ARHGAP26: variants seen among roughly 807,000 people sequenced by gnomAD.
ARHGAP26 encodes Rho GTPase activating protein 26.
A neutral mutation model predicts 104.8 loss-of-function variants in ARHGAP26; 38 were observed. The ratio of observed to expected loss-of-function variants is 0.36; its 90% CI spans 0.28 to 0.48. The LOEUF (loss-of-function observed/expected upper bound fraction) is 0.48. ARHGAP26 is among the 20% of genes least tolerant of loss of function. The pLI is 0.99. For missense variants in ARHGAP26, 704 were observed against 947.9 expected, an observed-to-expected ratio of 0.74 and a Z score of 3.38; for synonymous variants, 341 against 340.0, an observed-to-expected ratio of 1.00 and a Z score of -0.03.
chr5:142,819,535 C>T (rs1765726671), intron 1 of ARHGAP26, among the ~76,000 whole-genome samples: 1 of 152,198 alleles, frequency 6.6e-6, no homozygotes, highest in Non-Finnish European at 1.5e-5. Context: ...AGACAGCCTT[C>T]TGCATCACAG....
chr5:143,214,832 C>T lies in ARHGAP26; in HGVS notation c.2191+744C>T, dbSNP rs991980651. Among the ~76,000 whole-genome samples, 4 of 152,224 alleles carry T rather than the reference C, an allele frequency of 2.6e-5. No individual in the cohort carries two copies. In the East Asian group the frequency reaches 7.7e-4, roughly 29 times the overall value. ...GGGTCAGCAGGAGTGGGAGGGATTACCCCAGAACTGCATGTGGGCGTCTGA... is the reference window on the plus strand; with the variant it reads ...GGGTCAGCAGGAGTGGGAGGGATTATCCCAGAACTGCATGTGGGCGTCTGA... On this transcript the variant is annotated intron_variant, in intron 22 of 22. Transcript: ENST00000645722.
At position 142,828,398 on chromosome 5, in the gene ARHGAP26, G is replaced by GT. The variant is rs560007268; in HGVS notation, c.155-44994dup. ...CACAAAATGAGTCATTATGACTTAA[G>GT]TTTTTTTTATTTCTTTTAAGCCCAA... On this transcript the variant is annotated intron_variant, in intron 1 of 22. Coordinates refer to ENST00000645722, the MANE Select transcript of ARHGAP26 (RefSeq NM_001135608.3). Among the ~76,000 whole-genome samples the GT allele has an allele frequency of 5.6e-4, 85 of 152,130 alleles. No individual in the cohort carries two copies. In the South Asian group the frequency reaches 0.016, roughly 29 times the overall value.
At chr5:143,021,494 C>T (rs904609421) in intron 12 of ARHGAP26, among the ~76,000 whole-genome samples, 1 of 152,098 alleles carries the variant, frequency 6.6e-6, no homozygotes, top group African/African-American at 2.4e-5. Flanking sequence ...AGCCTTTGTA[C>T]GTATCTCAGA....
intron 17 of ARHGAP26, among the ~76,000 whole-genome samples, chr5:143,089,072 A>G (rs1004994466): frequency 6.6e-6 from 1 of 152,228 alleles, no homozygotes; most frequent in Non-Finnish European, 1.5e-5. Context: ...ATAATTGAAC[A>G]TACTGACGTA....
intron 1 of ARHGAP26, among the ~76,000 whole-genome samples, chr5:142,778,006 A>T (rs1172405770): frequency 6.6e-6 from 1 of 151,894 alleles, no homozygotes; most frequent in East Asian, 1.9e-4. Flanking sequence ...ACCAGTAAGG[A>T]AGCTGTTGTA....
In ARHGAP26 at chr5:142,940,531, A is replaced by G. The variant is rs541083269; in HGVS notation, c.1107+8406A>G. 2.3e-3 allele frequency among the ~76,000 whole-genome samples: 346 copies of G among 152,254 alleles called. 1 individual carries two copies. The highest frequency in any genetic ancestry group is 4.1e-3 in the Non-Finnish European group (282 of 68,006). ...ATGTGTTCTCATTTAGCTCCCACTT[A>G]TAAGTGAGAATATGGGATATCTGGT... On this transcript the variant is annotated intron_variant, in intron 11 of 22. Coordinates refer to ENST00000645722, the MANE Select transcript of ARHGAP26 (RefSeq NM_001135608.3).
chr5:142,842,978 G>A (rs564021019), intron 1 of ARHGAP26, among the ~76,000 whole-genome samples: 8 of 152,236 alleles, frequency 5.3e-5, no homozygotes, highest in African/African-American at 1.7e-4. Context: ...TGTAGGGGAC[G>A]TGATTCAAAG....
Position 142,772,068 on chromosome 5 carries a change from G to C in ARHGAP26, c.154+1153G>C, listed in dbSNP as rs568943420. 5.9e-5 allele frequency among the ~76,000 whole-genome samples: 9 copies of C among 152,366 alleles called. No homozygotes were observed. In the South Asian group the frequency reaches 1.9e-3, roughly 32 times the overall value. ...TTAGTAGGTGATACCTTTCAGCTAA[G>C]AAATCTTGCCTTAGCAGAGTAGAGT... On this transcript the variant is annotated intron_variant, in intron 1 of 22. Coordinates refer to ENST00000645722, the MANE Select transcript of ARHGAP26 (RefSeq NM_001135608.3).
chr5:142,938,054 T>G (rs1765704438), intron 11 of ARHGAP26, among the ~76,000 whole-genome samples: 1 of 152,154 alleles, frequency 6.6e-6, no homozygotes, highest in African/African-American at 2.4e-5. Context: ...TACACACAGA[T>G]GAACTCATGT....
chr5:142,849,500 C>A (rs1479715915), intron 1 of ARHGAP26, among the ~76,000 whole-genome samples: 2 of 152,200 alleles, frequency 1.3e-5, no homozygotes, highest in African/African-American at 4.8e-5. Flanking sequence ...TGACAGTGTG[C>A]TCTCCATGCT....
intron 17 of ARHGAP26, among the ~76,000 whole-genome samples, chr5:143,082,477 G>A (rs1260817058): frequency 9.9e-5 from 15 of 152,226 alleles, no homozygotes; most frequent in Admixed American, 9.8e-4. Flanking sequence ...CCTGTTATAT[G>A]TCAGGTGCTT....
At chr5:142,945,505 A>G (rs1766970737) in intron 11 of ARHGAP26, among the ~76,000 whole-genome samples, 1 of 152,158 alleles carries the variant, frequency 6.6e-6, no homozygotes, top group Non-Finnish European at 1.5e-5. Context: ...GAAGGTTTCT[A>G]TCGCCAGCTG....
At chr5:142,844,946 T>C (rs1771635954) in intron 1 of ARHGAP26, among the ~76,000 whole-genome samples, 1 of 152,214 alleles carries the variant, frequency 6.6e-6, no homozygotes, top group Admixed American at 6.5e-5. Flanking sequence ...TGATGCCTGC[T>C]GAACTTAACT....
At chr5:142,846,040 G>A (rs1165568872) in intron 1 of ARHGAP26, among the ~76,000 whole-genome samples, 2 of 152,078 alleles carry the variant, frequency 1.3e-5, no homozygotes, top group East Asian at 1.9e-4. Flanking sequence ...TTTGTGCACC[G>A]CAGTGAAACT....
chr5:142,955,300 C>CA (rs963828688), intron 11 of ARHGAP26, among the ~76,000 whole-genome samples: 30 of 149,108 alleles, frequency 2.0e-4, no homozygotes, highest in Admixed American at 5.3e-4. Context: ...GACCCTGTCT[C>CA]AAAAAAAAAA....
intron 11 of ARHGAP26, among the ~76,000 whole-genome samples, chr5:142,984,883 C>T (rs1598485041): frequency 6.6e-6 from 1 of 151,910 alleles, no homozygotes; most frequent in East Asian, 1.9e-4. Flanking sequence ...CTACAGTCTG[C>T]TTTTTATTGT....
At position 142,885,291 on chromosome 5, in the gene ARHGAP26, T is replaced by A. The variant is rs1385700561; in HGVS notation, c.385-7T>A. ...CTTTTTCTTTTTCTCTTCTCTTTTTTTGCCAGGAAGCCAAAAAGAAGTATG... is the reference window on the plus strand; with the variant it reads ...CTTTTTCTTTTTCTCTTCTCTTTTTATGCCAGGAAGCCAAAAAGAAGTATG... On this transcript the variant is annotated splice_polypyrimidine_tract_variant and splice_region_variant and intron_variant, in intron 4 of 22. Coordinates refer to ENST00000645722, the MANE Select transcript of ARHGAP26 (RefSeq NM_001135608.3). 6.2e-7 allele frequency: 1 copy of A among 1,612,266 alleles called. No individual in the cohort carries two copies. Among genetic ancestry groups the A allele is most frequent in the Non-Finnish European group, 8.5e-7 (1 of 1,178,738 alleles).
At chr5:143,145,287 T>G (rs2150970563) in intron 19 of ARHGAP26, among the ~76,000 whole-genome samples, 1 of 152,338 alleles carries the variant, frequency 6.6e-6, no homozygotes, top group South Asian at 2.1e-4. Context: ...CTAAGAATTC[T>G]GAGAATTATG....
intron 1 of ARHGAP26, among the ~76,000 whole-genome samples, chr5:142,774,930 T>C (rs937202334): frequency 2.0e-5 from 3 of 152,190 alleles, no homozygotes; most frequent in African/African-American, 7.2e-5. Flanking sequence ...TTCTTTTTAT[T>C]GCTGAATAAT....
Sources: allele counts gnomAD v4.1 joint callset (sites outside exome capture counted in the v4.1 genomes callset), GRCh38; gene constraint gnomAD v4.1.1; transcripts MANE v1.5; gene names NCBI Gene and HGNC (gene_info 2026-07-23, HGNC 2026-07-21).